The following OGFRL1 variants were observed in gnomAD, a reference collection of about 807,000 sequenced individuals.
OGFRL1 encodes opioid growth factor receptor like 1.
OGFRL1 carries 26 observed loss-of-function variants against 32.4 expected under a neutral mutation model. The observed-to-expected ratio is 0.80, with a 90% confidence interval of 0.59 to 1.11. OGFRL1 has a LOEUF of 1.11. Among genes scored for constraint, OGFRL1 ranks in the 50% most tolerant of loss-of-function variants. The pLI is 0.00. For synonymous variants in OGFRL1, 211 were observed against 201.2 expected (o/e 1.05, Z -0.41); for missense variants, 521 against 546.4 (o/e 0.95, Z 0.46).
At position 71,301,379 on chromosome 6, in the gene OGFRL1, C is replaced by T; in HGVS notation, c.693-7C>T. 3 of 1,552,198 alleles carry T rather than the reference C, an allele frequency of 1.9e-6. No homozygotes were observed. The highest frequency in any genetic ancestry group is 2.6e-6 in the Non-Finnish European group (3 of 1,152,582). On this transcript the variant is annotated splice_region_variant and splice_polypyrimidine_tract_variant and intron_variant, in intron 6 of 6. Coordinates refer to ENST00000370435, the MANE Select transcript of OGFRL1 (RefSeq NM_024576.5). ...CCCCACTCATTTTATTCAATCCTCT[C>T]TTCCAGGTCCCAGCACAACTATTTA...
intron 1 of OGFRL1, among the ~76,000 whole-genome samples, chr6:71,290,875 G>C (rs1017103280): frequency 1.1e-4 from 17 of 152,178 alleles, no homozygotes; most frequent in Non-Finnish European, 2.4e-4. Flanking sequence ...CGATTCTCTT[G>C]AGTTTGATAT....
Position 71,288,861 on chromosome 6 carries a change from ATGCCCGGGCCCTAGAGCGCC to A in OGFRL1, c.-71_-52del, listed in dbSNP as rs1359800345. 9.5e-7 allele frequency: 1 copy of A among 1,053,010 alleles called. No homozygotes were observed. The highest frequency in any genetic ancestry group is 1.1e-6 in the Non-Finnish European group (1 of 869,734). The allele number at this position is 1,053,010 out of a possible 1,614,324, so 65.2% of individuals were successfully genotyped here. On this transcript the variant is annotated 5_prime_UTR_variant, in exon 1 of 7. It removes the in-frame stop codon of an upstream open reading frame in the 5' UTR. Transcript: ENST00000370435. ...GCCGCCCAGCGCCCTCGCCGCGGCC[ATGCCCGGGCCCTAGAGCGCC>A]TGCCGCAGCTTGCGCCCCGCAGCCC...
chr6:71,293,944 A>C (rs955844769), intron 3 of OGFRL1, among the ~76,000 whole-genome samples: 7 of 152,160 alleles, frequency 4.6e-5, no homozygotes. Flanking sequence ...AGCTTAGGTC[A>C]CTCGATTGCA....
Position 71,301,652 on chromosome 6 carries a change from C to T in OGFRL1, c.959C>T (p.Ser320Leu), listed in dbSNP as rs776561377. Residue 320 changes from serine (S) to leucine (L), a missense_variant, in exon 7 of 7, where the codon TCG (serine) becomes TTG (leucine). By Grantham distance (145) the Ser-to-Leu change is moderately radical. Transcript: ENST00000370435. ...TGGGGACCGCCTCGAAAAGAACAGT[C>T]GGAGGGAAGCAAAGCCCAGAAAATG... is the stretch of plus-strand genomic sequence containing the variant. ...FIWGPPRKEQ[S>L]EGSKAQKMSS... 20 of 1,613,926 alleles carry T rather than the reference C, an allele frequency of 1.2e-5. No individual in the cohort carries two copies. Among genetic ancestry groups the T allele is most frequent in the East Asian group, 1.1e-4 (5 of 44,898 alleles).
chr6:71,297,438 T>A (rs550268980), intron 6 of OGFRL1, among the ~76,000 whole-genome samples: 1 of 152,290 alleles, frequency 6.6e-6, no homozygotes, highest in African/African-American at 2.4e-5. Flanking sequence ...TTTGGTTGGA[T>A]GTTTATAACT....
rs1167700130 is a variant in OGFRL1, at chr6:71,302,095, C to G, written c.*46C>G. ...CCAGTTTAGGCTAGAGAGGAAAAAA[C>G]TACTGTATCATTTATCCTAAAGAAC... On this transcript the variant is annotated 3_prime_UTR_variant, in exon 7 of 7. Coordinates refer to ENST00000370435, the MANE Select transcript of OGFRL1 (RefSeq NM_024576.5). The G allele has an allele frequency of 4.9e-6, 7 of 1,428,876 alleles. No individual in the cohort carries two copies. The highest frequency in any genetic ancestry group is 6.4e-6 in the Non-Finnish European group (7 of 1,086,558). The allele number at this position is 1,428,876 out of a possible 1,614,324, so 88.5% of individuals were successfully genotyped here. A position where few individuals can be genotyped will look rare whatever the true frequency, so the allele number is the denominator to read the frequency against.
chr6:71,296,472 T>G (rs747124695), intron 4 of OGFRL1, 23 bp from the exon 5 acceptor site: 13 of 1,593,886 alleles, frequency 8.2e-6, no homozygotes, highest in Admixed American at 1.7e-5. Context: ...AATAGAAAAA[T>G]TTTATTTTTT....
chr6:71,296,810 C>T lies in OGFRL1; in HGVS notation c.685C>T (p.Leu229=), dbSNP rs1561948878. The T allele has an allele frequency of 1.2e-6, 2 of 1,612,744 alleles. No individual in the cohort carries two copies. The highest frequency in any genetic ancestry group is 1.7e-6 in the Non-Finnish European group (2 of 1,179,388). Reference sequence around the variant, plus strand: ...TAACTGGCAGGAAAGATTTCAGCATCTGAATGAGTAAGTAAAGCCCCTGTG... The same window carrying T: ...TAACTGGCAGGAAAGATTTCAGCATTTGAATGAGTAAGTAAAGCCCCTGTG... ...AVNWQERFQH[L]NESQHNYLRI... Residue 229 remains leucine (L), a synonymous_variant, in exon 6 of 7, where the codon CTG becomes TTG. Coordinates refer to ENST00000370435, the MANE Select transcript of OGFRL1 (RefSeq NM_024576.5).
At position 71,307,028 on chromosome 6, in the gene OGFRL1, T is replaced by G. The variant is rs1296659508; in HGVS notation, c.*4979T>G. The stretch of plus-strand genomic sequence containing the variant: ...AGAGAGTGTTCTTTGTCATTTTTTT[T>G]CCTATTCTGTTGTGAAGTTTATTGT... On this transcript the variant is annotated 3_prime_UTR_variant, in exon 7 of 7. Coordinates refer to ENST00000370435, the MANE Select transcript of OGFRL1 (RefSeq NM_024576.5). 1 of 152,210 alleles carries G rather than the reference T, an allele frequency of 6.6e-6. No homozygotes were observed. Among genetic ancestry groups the G allele is most frequent in the Non-Finnish European group, 1.5e-5 (1 of 68,036 alleles). The allele number at this position is 152,210 out of a possible 1,614,324, so 9.4% of individuals were successfully genotyped here.
rs1473112743 is a variant in OGFRL1 at position 71,303,690 on chromosome 6, T to A, written c.*1641T>A. On this transcript the variant is annotated 3_prime_UTR_variant, in exon 7 of 7. Coordinates refer to ENST00000370435, the MANE Select transcript of OGFRL1 (RefSeq NM_024576.5). ...GTGTTTTTTAAAAAGTATAGTTTTG[T>A]ACATCTCTAAGTTATCAAACTTCAA... is the stretch of plus-strand genomic sequence containing the variant. 1 of 152,222 alleles carries A rather than the reference T, an allele frequency of 6.6e-6. No homozygotes were observed. The highest frequency in any genetic ancestry group is 1.5e-5 in the Non-Finnish European group (1 of 68,032). 9.4% of individuals were successfully genotyped at this position (152,222 alleles called of 1,614,324 possible).
chr6:71,301,701 T>C lies in OGFRL1; in HGVS notation c.1008T>C (p.His336=), dbSNP rs1220679697. Residue 336 remains histidine, a synonymous_variant, in exon 7 of 7, where the codon CAT becomes CAC. Coordinates refer to ENST00000370435, the MANE Select transcript of OGFRL1 (RefSeq NM_024576.5). ...QKMSSPLASS[H]NSQTSMHKKA... ...TGTCTTCCCCTCTCGCCTCCAGTCA[T>C]AACAGTCAAACTTCTATGCACAAAA... 6.2e-7 allele frequency: 1 copy of C among 1,613,930 alleles called. No homozygotes were observed. The highest frequency in any genetic ancestry group is 1.3e-5 in the African/African-American group (1 of 74,976).
At position 71,294,508 on chromosome 6, in the gene OGFRL1, C is replaced by T. The variant is rs144319737; in HGVS notation, c.400+897C>T. Among the ~76,000 whole-genome samples the T allele has an allele frequency of 4.0e-3, 610 of 152,208 alleles. 2 individuals carry two copies. Among genetic ancestry groups the T allele is most frequent in the Non-Finnish European group, 6.8e-3 (461 of 68,010 alleles). On this transcript the variant is annotated intron_variant, in intron 3 of 6. Coordinates refer to ENST00000370435, the MANE Select transcript of OGFRL1 (RefSeq NM_024576.5). ...CCTTGCATTCTTTGGTGAACTAACT[C>T]GAGGCAAGAGGTCTAAAGCCTGGAT...
At chr6:71,295,627 GATC>G (rs972629326) in intron 3 of OGFRL1, 1 of 152,172 alleles carries the variant, frequency 6.6e-6, no homozygotes, top group Admixed American at 6.5e-5. Flanking sequence ...TTAAAATGAG[GATC>G]ATAACACTGG....
Position 71,307,723 on chromosome 6 carries a change from T to A in OGFRL1, c.*5674T>A, listed in dbSNP as rs956919112. On this transcript the variant is annotated 3_prime_UTR_variant, in exon 7 of 7. Coordinates refer to ENST00000370435, the MANE Select transcript of OGFRL1 (RefSeq NM_024576.5). ...TTACGTTAACTAGAAAAATTAGATA[T>A]ATAATAAGTTTTGGTACTAAGAAAC... The A allele has an allele frequency of 8.5e-5, 13 of 152,216 alleles. No individual in the cohort carries two copies. The highest frequency in any genetic ancestry group is 2.4e-4 in the African/African-American group (10 of 41,458). 9.4% of individuals were successfully genotyped at this position (152,216 alleles called of 1,614,324 possible). A position where few individuals can be genotyped will look rare whatever the true frequency, so the allele number is the denominator to read the frequency against.
Position 71,288,822 on chromosome 6 carries a change from GGC to G in OGFRL1, c.-110_-109del. On this transcript the variant is annotated 5_prime_UTR_variant, in exon 1 of 7. Transcript: ENST00000370435. ...CGCCGCGCTGAGGCAGTGCGGGGCG[GGC>G]GCGCCTAGGCTGCCGCCCAGCGCCC... is the stretch of plus-strand genomic sequence containing the variant. 1.4e-6 allele frequency: 1 copy of G among 732,282 alleles called. No individual in the cohort carries two copies. The highest frequency in any genetic ancestry group is 1.7e-6 in the Non-Finnish European group (1 of 594,150). 45.4% of individuals were successfully genotyped at this position (732,282 alleles called of 1,614,324 possible).
At chr6:71,289,520 T>C (rs2149350452) in intron 1 of OGFRL1, 1 of 945,198 alleles carries the variant, frequency 1.1e-6, no homozygotes, top group Non-Finnish European at 1.2e-6. Flanking sequence ...TAGAGGATTT[T>C]GACAACCCCT....
chr6:71,303,866 A>G lies in OGFRL1; in HGVS notation c.*1817A>G, dbSNP rs1050676766. ...AACACTGTGATAAGAACTTCAAAGC[A>G]TATATACAAATATAGTTAAAGCAAT... On this transcript the variant is annotated 3_prime_UTR_variant, in exon 7 of 7. Transcript: ENST00000370435. 5.3e-5 allele frequency: 8 copies of G among 152,196 alleles called. No homozygotes were observed. The highest frequency in any genetic ancestry group is 2.9e-5 in the Non-Finnish European group (2 of 67,998). The allele number at this position is 152,196 out of a possible 1,614,324, so 9.4% of individuals were successfully genotyped here. A position where few individuals can be genotyped will look rare whatever the true frequency, so the allele number is the denominator to read the frequency against.
At chr6:71,298,440 T>A (rs1766281950) in intron 6 of OGFRL1, among the ~76,000 whole-genome samples, 1 of 152,240 alleles carries the variant, frequency 6.6e-6, no homozygotes, top group African/African-American at 2.4e-5. Context: ...TTGGTTGGAA[T>A]AGCAATCTTG....
At chr6:71,290,605 G>C (rs918518350) in intron 1 of OGFRL1, among the ~76,000 whole-genome samples, 1 of 152,100 alleles carries the variant, frequency 6.6e-6, no homozygotes, top group Non-Finnish European at 1.5e-5. Context: ...AATTTTTCTT[G>C]TTAGTATCAC....
Sources: allele counts gnomAD v4.1 joint callset (sites outside exome capture counted in the v4.1 genomes callset), GRCh38; gene constraint gnomAD v4.1.1; transcripts MANE v1.5; gene names NCBI Gene and HGNC (gene_info 2026-07-23, HGNC 2026-07-21).